Variants in ZNF420 observed in about 807,000 individuals in gnomAD.
ZNF420 encodes zinc finger protein 420.
Under a neutral mutation model 44.7 loss-of-function variants are expected in ZNF420, and 31 were observed. The ratio of observed to expected loss-of-function variants is 0.69; its 90% CI spans 0.52 to 0.94. ZNF420 has a LOEUF of 0.94. Among genes scored for constraint, ZNF420 ranks in the 40% least tolerant of loss-of-function variants. The pLI is 0.00. For missense variants in ZNF420, 681 were observed against 827.9 expected, an observed-to-expected ratio of 0.82 and a Z score of 2.18; for synonymous variants, 245 against 267.4, an observed-to-expected ratio of 0.92 and a Z score of 0.82.
intron 1 of ZNF420, among the ~76,000 whole-genome samples, chr19:37,016,837 G>A (rs1202887862): frequency 6.6e-6 from 1 of 152,126 alleles, no homozygotes; most frequent in Non-Finnish European, 1.5e-5. Context: ...GGCTCTATGG[G>A]ACTTGGGTTG....
chr19:37,090,781 G>A (rs557177774), intron 3 of ZNF420, among the ~76,000 whole-genome samples: 5 of 151,732 alleles, frequency 3.3e-5, no homozygotes, highest in Non-Finnish European at 5.9e-5. Context: ...TTAACTGGGC[G>A]CAGTGGCAGG....
upstream of ZNF420, among the ~76,000 whole-genome samples, chr19:37,075,360 C>T (rs1024881287): frequency 1.3e-5 from 2 of 152,158 alleles, no homozygotes; most frequent in African/African-American, 4.8e-5. Flanking sequence ...GGTTCCTTGG[C>T]TCACTTCCTT....
At chr19:37,047,048 A>T (rs1340934523) in intron 1 of ZNF420, among the ~76,000 whole-genome samples, 1 of 151,290 alleles carries the variant, frequency 6.6e-6, no homozygotes. Context: ...ACTTTTAAGA[A>T]ATTGAATATA....
At chr19:37,014,462 A>C (rs1325631716) in intron 1 of ZNF420, among the ~76,000 whole-genome samples, 1 of 151,944 alleles carries the variant, frequency 6.6e-6, no homozygotes, top group African/African-American at 2.4e-5. Context: ...CCGAGTGCCC[A>C]CCTCACGGTC....
chr19:37,127,537 C>T lies in ZNF420; in HGVS notation c.546C>T (p.Leu182=), dbSNP rs757577695. Residue 182 remains leucine, a synonymous_variant, in exon 5 of 5, where the codon CTC becomes CTT. Transcript: ENST00000337995. ...CGKAFSRDSQ[L]SLHQRLHTGE... is the part of the protein sequence containing the mutation. ...AGGCCTTTAGTCGTGATTCACAACTCAGTCTTCATCAGAGACTTCATACTG... is the reference window on the plus strand; with the variant it reads ...AGGCCTTTAGTCGTGATTCACAACTTAGTCTTCATCAGAGACTTCATACTG... The T allele has an allele frequency of 2.5e-6, 4 of 1,613,452 alleles. No homozygotes were observed. The highest frequency in any genetic ancestry group is 3.4e-6 in the Non-Finnish European group (4 of 1,179,728).
chr19:37,035,477 G>A (rs1967337753), intron 1 of ZNF420, among the ~76,000 whole-genome samples: 1 of 152,160 alleles, frequency 6.6e-6, no homozygotes, highest in Admixed American at 6.6e-5. Context: ...GGGATTACAG[G>A]CGTTGGCCAC....
chr19:37,090,202 A>T (rs1355357604), intron 3 of ZNF420, among the ~76,000 whole-genome samples: 1 of 152,218 alleles, frequency 6.6e-6, no homozygotes, highest in African/African-American at 2.4e-5. Context: ...GATGTTCTGT[A>T]TGCAGAAAAT....
At chr19:37,048,107 G>A (rs184780545) in intron 1 of ZNF420, among the ~76,000 whole-genome samples, 155 of 151,558 alleles carry the variant, frequency 1.0e-3, no homozygotes, top group South Asian at 5.6e-3. Flanking sequence ...CAGCTCAGGT[G>A]AAAGGCACTT....
At chr19:37,019,635 C>T (rs541305162) in intron 1 of ZNF420, among the ~76,000 whole-genome samples, 5 of 151,966 alleles carry the variant, frequency 3.3e-5, no homozygotes, top group East Asian at 1.9e-4. Flanking sequence ...ATTAGCCAGG[C>T]GCAGTGGCAT....
chr19:37,106,399 G>C (rs1213996514), intron 4 of ZNF420, among the ~76,000 whole-genome samples: 1 of 152,166 alleles, frequency 6.6e-6, no homozygotes, highest in African/African-American at 2.4e-5. Context: ...TTTTTGATGT[G>C]CTGCTGGATT....
chr19:37,017,638 T>G (rs1306976645), intron 1 of ZNF420, among the ~76,000 whole-genome samples: 2 of 152,168 alleles, frequency 1.3e-5, no homozygotes, highest in Non-Finnish European at 2.9e-5. Flanking sequence ...TAAAAAGTCA[T>G]GCAACAAATT....
At chr19:37,109,099 A>T (rs943328360) in intron 4 of ZNF420, among the ~76,000 whole-genome samples, 1 of 152,196 alleles carries the variant, frequency 6.6e-6, no homozygotes, top group African/African-American at 2.4e-5. Flanking sequence ...TACAGTAAGT[A>T]AGTACTTCTA....
At chr19:37,057,925 C>T (rs1389464056) in intron 1 of ZNF420, among the ~76,000 whole-genome samples, 1 of 152,128 alleles carries the variant, frequency 6.6e-6, no homozygotes, top group African/African-American at 2.4e-5. Context: ...AGCCAGGAAC[C>T]GGAGATGACA....
chr19:37,041,526 G>A (rs1305637281), intron 1 of ZNF420, among the ~76,000 whole-genome samples: 1 of 152,048 alleles, frequency 6.6e-6, no homozygotes, highest in East Asian at 1.9e-4. Flanking sequence ...GAAATGAAGG[G>A]CCAAAATACT....
At chr19:37,022,020 G>A (rs1479627440) in intron 1 of ZNF420, among the ~76,000 whole-genome samples, 1 of 149,656 alleles carries the variant, frequency 6.7e-6, no homozygotes, top group Non-Finnish European at 1.5e-5. Flanking sequence ...ATCTGAATTT[G>A]GATTCAATTT....
intron 1 of ZNF420, among the ~76,000 whole-genome samples, chr19:37,013,470 C>T (rs1223440824): frequency 2.6e-5 from 4 of 152,164 alleles, no homozygotes; most frequent in African/African-American, 9.7e-5. Flanking sequence ...ACGTGGTTGA[C>T]ATGATTGTCT....
At chr19:37,041,159 A>T (rs187282687) in intron 1 of ZNF420, among the ~76,000 whole-genome samples, 2 of 152,180 alleles carry the variant, frequency 1.3e-5, no homozygotes, top group African/African-American at 4.8e-5. Flanking sequence ...CCCCATCTCT[A>T]CTAAAAATAA....
At position 37,078,548 on chromosome 19, in the gene ZNF420, C is replaced by T. The variant is rs2146469457; in HGVS notation, c.-147C>T. 6.6e-6 allele frequency: 1 copy of T among 152,456 alleles called. No homozygotes were observed. The highest frequency in any genetic ancestry group is 2.1e-4 in the South Asian group (1 of 4,830). The allele number at this position is 152,456 out of a possible 1,614,324, so 9.4% of individuals were successfully genotyped here. A position where few individuals can be genotyped will look rare whatever the true frequency, so the allele number is the denominator to read the frequency against. On this transcript the variant is annotated 5_prime_UTR_variant, in exon 1 of 5. Coordinates refer to ENST00000337995, the MANE Select transcript of ZNF420 (RefSeq NM_144689.5). ...TGGAACCCGGGAGCCAGATCTTGGA[C>T]CCTGAACTGCACCTCTGTCAAGGTA...
chr19:37,059,650 C>T (rs1317133376), intron 1 of ZNF420, among the ~76,000 whole-genome samples: 2 of 152,146 alleles, frequency 1.3e-5, no homozygotes, highest in East Asian at 1.9e-4. Context: ...AAGTCGTGCC[C>T]GCCGTGATCT....
Sources: allele counts gnomAD v4.1 joint callset (sites outside exome capture counted in the v4.1 genomes callset), GRCh38; gene constraint gnomAD v4.1.1; transcripts MANE v1.5; gene names NCBI Gene and HGNC (gene_info 2026-07-23, HGNC 2026-07-21).